FAM114A1: variants seen among roughly 807,000 people sequenced by gnomAD.
FAM114A1 encodes the protein family with sequence similarity 114 member A1, also known as protein NOXP20.
A neutral mutation model predicts 64.3 loss-of-function variants in FAM114A1; 62 were observed. The observed-to-expected ratio is 0.96, with a 90% CI of 0.79 to 1.19. The LOEUF is 1.19. Among genes scored for constraint, FAM114A1 ranks in the 50% most tolerant of loss-of-function variants. The pLI, the probability that FAM114A1 is intolerant of heterozygous loss-of-function variation, is 0.00. For missense variants in FAM114A1, 645 were observed against 676.3 expected (o/e 0.95, Z 0.51); for synonymous variants, 254 against 251.1 (o/e 1.01, Z -0.11).
At chr4:38,881,994 A>C (rs1042262448) in intron 3 of FAM114A1, among the ~76,000 whole-genome samples, 4 of 152,216 alleles carry the variant, frequency 2.6e-5, no homozygotes, top group African/African-American at 9.6e-5. Context: ...TACACCTGAT[A>C]AATTCTCATC....
chr4:38,894,815 A>C (rs1004426500), intron 4 of FAM114A1, among the ~76,000 whole-genome samples: 10 of 152,194 alleles, frequency 6.6e-5, no homozygotes, highest in Admixed American at 6.5e-5. Flanking sequence ...GAATTACCAC[A>C]GTTAAAGAGG....
chr4:38,872,835 C>T lies in FAM114A1; in HGVS notation c.-9+4289C>T, dbSNP rs367822414. On this transcript the variant is annotated intron_variant, in intron 2 of 14. Transcript: ENST00000358869. ...TATTGTAGTGCCAGAGAAACCATGA[C>T]GGTCCCATATGTAAACAAAGGGTGT... is the stretch of plus-strand genomic sequence containing the variant. 1.8e-4 allele frequency among the ~76,000 whole-genome samples: 27 copies of T among 152,342 alleles called. No homozygotes were observed. The East Asian group carries it at 3.9e-3, about 22-fold the overall frequency.
chr4:38,905,728 C>T, intron 5 of FAM114A1, 27 bp from the exon 6 acceptor site: 1 of 1,611,104 alleles, frequency 6.2e-7, no homozygotes, highest in Non-Finnish European at 8.5e-7. Flanking sequence ...GACGTGAACT[C>T]TTAAAGGATT....
intron 4 of FAM114A1, among the ~76,000 whole-genome samples, chr4:38,895,871 G>A (rs1716882050): frequency 6.6e-6 from 1 of 152,130 alleles, no homozygotes; most frequent in Admixed American, 6.5e-5. Context: ...TCTAAACATA[G>A]AAAAGGCACA....
chr4:38,877,550 T>C (rs917106955), intron 2 of FAM114A1, among the ~76,000 whole-genome samples: 2 of 152,184 alleles, frequency 1.3e-5, no homozygotes, highest in African/African-American at 2.4e-5. Flanking sequence ...GAGGAAGCTG[T>C]GCTCACTCAC....
At chr4:38,891,289 C>A (rs1716353511) in intron 3 of FAM114A1, among the ~76,000 whole-genome samples, 1 of 152,148 alleles carries the variant, frequency 6.6e-6, no homozygotes, top group African/African-American at 2.4e-5. Context: ...TGCCCATCAT[C>A]CATGCCAAAG....
At chr4:38,879,930 A>G (rs1256162570) in intron 3 of FAM114A1, among the ~76,000 whole-genome samples, 1 of 151,978 alleles carries the variant, frequency 6.6e-6, no homozygotes, top group African/African-American at 2.4e-5. Context: ...TTAGCCAGGC[A>G]TGGTAGTATG....
intron 13 of FAM114A1, 147 bp from the exon 14 acceptor site, chr4:38,940,821 A>T: frequency 1.3e-6 from 1 of 756,746 alleles, no homozygotes; most frequent in Non-Finnish European, 2.2e-6. Context: ...AGCAGCGGGT[A>T]TGAAGCCTGG....
intron 9 of FAM114A1, among the ~76,000 whole-genome samples, chr4:38,927,192 T>A (rs1720199591): frequency 6.6e-6 from 1 of 152,256 alleles, no homozygotes; most frequent in African/African-American, 2.4e-5. Flanking sequence ...TACTCAATTG[T>A]CACCTTCTTA....
In FAM114A1 at chr4:38,930,859, T is replaced by C. The variant is rs553571374; in HGVS notation, c.1162-592T>C. 2.6e-5 allele frequency among the ~76,000 whole-genome samples: 4 copies of C among 152,324 alleles called. No individual in the cohort carries two copies. The East Asian group carries it at 5.8e-4, about 22-fold the overall frequency. ...ACAGAGTGCGTAAACTGCACTCATGTGAAATTAAACTAGACACAGAGCAGC... is the reference window on the plus strand; with the variant it reads ...ACAGAGTGCGTAAACTGCACTCATGCGAAATTAAACTAGACACAGAGCAGC... On this transcript the variant is annotated intron_variant, in intron 10 of 14. Coordinates refer to ENST00000358869, the MANE Select transcript of FAM114A1 (RefSeq NM_138389.4).
chr4:38,908,701 T>A lies in FAM114A1; in HGVS notation c.767T>A (p.Met256Lys). 1 of 1,609,508 alleles carries A rather than the reference T, an allele frequency of 6.2e-7. No homozygotes were observed. The highest frequency in any genetic ancestry group is 8.5e-7 in the Non-Finnish European group (1 of 1,176,632). Residue 256 changes from methionine to lysine, a missense_variant, in exon 7 of 15, where the codon ATG becomes AAG. Transcript: ENST00000358869. Reference sequence around the variant, plus strand: ...GGCTTTAAGCGGACCAAGACGCTCATGGAGAGAACTGTTTCCTTGTCTCAG... The same window carrying A: ...GGCTTTAAGCGGACCAAGACGCTCAAGGAGAGAACTGTTTCCTTGTCTCAG... ...DPGFKRTKTL[M>K]ERTVSLSQML...
chr4:38,881,478 T>C (rs1009643202), intron 3 of FAM114A1, among the ~76,000 whole-genome samples: 3 of 152,016 alleles, frequency 2.0e-5, no homozygotes, highest in African/African-American at 7.2e-5. Flanking sequence ...GCTCTGGATG[T>C]ATTGTGTTGG....
At chr4:38,915,744 G>GGTGTGTGTGTGT (rs58018099) in intron 8 of FAM114A1, among the ~76,000 whole-genome samples, 3 of 139,116 alleles carry the variant, frequency 2.2e-5, no homozygotes, top group South Asian at 4.8e-4. Context: ...CATCTATAGT[G>GGTGTGTGTGTGT]GTGTGTGTGT....
At chr4:38,940,784 T>G (rs1356774609) in intron 13 of FAM114A1, among the ~76,000 whole-genome samples, 184 bp from the exon 14 acceptor site, 1 of 152,224 alleles carries the variant, frequency 6.6e-6, no homozygotes, top group Non-Finnish European at 1.5e-5. Flanking sequence ...GGATTTCCGT[T>G]GCAATTAAAT....
At chr4:38,882,570 G>A (rs570403730) in intron 3 of FAM114A1, among the ~76,000 whole-genome samples, 17 of 151,684 alleles carry the variant, frequency 1.1e-4, no homozygotes, top group South Asian at 1.0e-3. Context: ...CGGAGGTTGC[G>A]GTGAGCCGAG....
At chr4:38,876,890 T>C (rs997965143) in intron 2 of FAM114A1, among the ~76,000 whole-genome samples, 1 of 152,236 alleles carries the variant, frequency 6.6e-6, no homozygotes, top group African/African-American at 2.4e-5. Context: ...CAGCCTCTGC[T>C]TCTGTCATCA....
intron 3 of FAM114A1, among the ~76,000 whole-genome samples, chr4:38,879,954 T>C (rs1715043636): frequency 1.3e-5 from 2 of 151,940 alleles, no homozygotes; most frequent in African/African-American, 4.8e-5. Context: ...CTGTAGTCCC[T>C]GCTACTTAGG....
At chr4:38,905,891 C>A in intron 6 of FAM114A1, 30 bp downstream of exon 6, 1 of 1,578,248 alleles carries the variant, frequency 6.3e-7, no homozygotes, top group East Asian at 2.2e-5. Flanking sequence ...CTCTCTTTCC[C>A]CTGTATTTCC....
At chr4:38,896,972 C>T (rs1220273336) in intron 4 of FAM114A1, among the ~76,000 whole-genome samples, 1 of 152,172 alleles carries the variant, frequency 6.6e-6, no homozygotes, top group African/African-American at 2.4e-5. Flanking sequence ...AAACACAGAG[C>T]TGTCAATTGA....
Sources: gnomAD v4.1 joint callset for allele counts (sites outside exome capture counted in the v4.1 genomes callset) on GRCh38, gnomAD v4.1.1 for gene constraint, MANE v1.5 for transcripts, NCBI Gene and HGNC (gene_info 2026-07-23, HGNC 2026-07-21) for gene names.